SRGAP3: variants seen among roughly 807,000 people sequenced by gnomAD.
The protein encoded by SRGAP3 is SLIT-ROBO Rho GTPase activating protein 3, also known as SLIT-ROBO Rho GTPase-activating protein 3.
A neutral mutation model predicts 121.1 loss-of-function variants in SRGAP3; 39 were observed. The observed-to-expected ratio is 0.32, with a 90% CI of 0.25 to 0.42. SRGAP3 has a LOEUF of 0.42. SRGAP3 is among the 10% of genes least tolerant of loss of function. SRGAP3 has a pLI of 1.00. For missense variants in SRGAP3, 1,213 were observed against 1,470.6 expected (o/e 0.82, Z 2.86); for synonymous variants, 601 against 570.0 (o/e 1.05, Z -0.77).
chr3:9,256,240 G>C (rs1442295819), intron 3 of SRGAP3, among the ~76,000 whole-genome samples: 1 of 152,210 alleles, frequency 6.6e-6, no homozygotes, highest in Non-Finnish European at 1.5e-5. Context: ...ACATGTCTGC[G>C]TGTGTGTCCA....
chr3:9,119,953 C>G (rs1383713003), intron 2 of SRGAP3, among the ~76,000 whole-genome samples: 1 of 152,230 alleles, frequency 6.6e-6, no homozygotes, highest in African/African-American at 2.4e-5. Context: ...CAGCTGAGCC[C>G]TGTCCAAATC....
intron 5 of SRGAP3, among the ~76,000 whole-genome samples, chr3:9,061,010 T>C (rs993916280): frequency 1.3e-5 from 2 of 152,148 alleles, no homozygotes; most frequent in African/African-American, 4.8e-5. Context: ...GGCAGGCATA[T>C]CACCTGAGGT....
chr3:9,072,985 C>T (rs1475823934), intron 4 of SRGAP3, among the ~76,000 whole-genome samples: 2 of 152,244 alleles, frequency 1.3e-5, no homozygotes, highest in Non-Finnish European at 2.9e-5. Context: ...AGCTTCTCGC[C>T]TGCTGCTCTG....
chr3:9,227,701 G>A (rs975827441), intron 1 of SRGAP3, among the ~76,000 whole-genome samples: 1 of 152,180 alleles, frequency 6.6e-6, no homozygotes, highest in Non-Finnish European at 1.5e-5. Context: ...AATGCATTAC[G>A]GTGGCTACGA....
chr3:9,281,776 G>C (rs1356409849), intron 3 of SRGAP3, among the ~76,000 whole-genome samples: 1 of 152,014 alleles, frequency 6.6e-6, no homozygotes, highest in Non-Finnish European at 1.5e-5. Flanking sequence ...GGGTTCAAGC[G>C]ATTCTCATGC....
In SRGAP3 at chr3:9,073,546, T is replaced by C. The variant is rs149169692; in HGVS notation, c.486+6479A>G. Among the ~76,000 whole-genome samples the C allele has an allele frequency of 2.3e-3, 352 of 152,330 alleles. 2 individuals carry two copies. The highest frequency in any genetic ancestry group is 7.9e-3 in the African/African-American group (329 of 41,568). ...GGAGTCTGGAGCAGGTTCTGCTGTT[T>C]CCCCTCTGGGCAACCCTGAGCTGGC... On this transcript the variant is annotated intron_variant, in intron 4 of 21. Coordinates refer to ENST00000383836, the MANE Select transcript of SRGAP3 (RefSeq NM_014850.4).
intron 14 of SRGAP3, among the ~76,000 whole-genome samples, chr3:9,018,403 T>C (rs1445767810): frequency 6.6e-6 from 1 of 152,244 alleles, no homozygotes; most frequent in African/African-American, 2.4e-5. Flanking sequence ...ATGGTAGTTC[T>C]ATTTTTAGTT....
At chr3:9,131,188 G>A (rs534879841) in intron 1 of SRGAP3, among the ~76,000 whole-genome samples, 1 of 152,334 alleles carries the variant, frequency 6.6e-6, no homozygotes, top group South Asian at 2.1e-4. Flanking sequence ...AAATAAAACA[G>A]AATTGTTCCC....
intron 3 of SRGAP3, among the ~76,000 whole-genome samples, chr3:9,260,236 C>T (rs557835047): frequency 6.6e-6 from 1 of 152,138 alleles, no homozygotes; most frequent in African/African-American, 2.4e-5. Flanking sequence ...TTTGGGCAGA[C>T]ACTGAGCTAG....
chr3:8,994,368 G>A lies in SRGAP3; in HGVS notation c.2383C>T (p.His795Tyr). 6.2e-7 allele frequency: 1 copy of A among 1,614,164 alleles called. No homozygotes were observed. Among genetic ancestry groups the A allele is most frequent in the Non-Finnish European group, 8.5e-7 (1 of 1,180,040 alleles). Residue 795 changes from histidine (H) to tyrosine (Y), a missense_variant, in exon 19 of 22, where the codon CAT becomes TAT. This residue lies in a region of SRGAP3 where 793 missense variants were observed against 1,032.9 expected (regional missense o/e 0.77). Coordinates refer to ENST00000383836, the MANE Select transcript of SRGAP3 (RefSeq NM_014850.4). ...ATGTCCTGTACAACTATGTACTGATGGGGGATGAGTCCATCCACGCCGTTG... is the reference window on the plus strand; with the variant it reads ...ATGTCCTGTACAACTATGTACTGATAGGGGATGAGTCCATCCACGCCGTTG... ...RHNGVDGLIPHQYIVVQDMDD... is the reference protein window; with the variant it reads ...RHNGVDGLIPYQYIVVQDMDD...
intron 2 of SRGAP3, among the ~76,000 whole-genome samples, chr3:9,120,257 A>G (rs1330711356): frequency 3.9e-5 from 6 of 152,192 alleles, no homozygotes; most frequent in Non-Finnish European, 8.8e-5. Context: ...GGGCACACAG[A>G]GGGAGGCACC....
chr3:9,232,605 T>A (rs920540629), intron 1 of SRGAP3, among the ~76,000 whole-genome samples: 1 of 152,170 alleles, frequency 6.6e-6, no homozygotes, highest in Admixed American at 6.5e-5. Context: ...TACCTAATTA[T>A]TAAATGTTCT....
intron 2 of SRGAP3, among the ~76,000 whole-genome samples, chr3:9,114,457 G>A (rs1339939735): frequency 1.3e-5 from 2 of 152,146 alleles, no homozygotes; most frequent in Non-Finnish European, 2.9e-5. Flanking sequence ...TCCTTCTGCA[G>A]ACTGTTATGT....
chr3:9,083,521 T>A (rs1947331098), intron 3 of SRGAP3, among the ~76,000 whole-genome samples: 1 of 152,232 alleles, frequency 6.6e-6, no homozygotes, highest in Non-Finnish European at 1.5e-5. Flanking sequence ...TAACGATATC[T>A]CTGAGAAATT....
chr3:9,099,936 G>A (rs986195827), intron 3 of SRGAP3, among the ~76,000 whole-genome samples: 102 of 152,318 alleles, frequency 6.7e-4, no homozygotes, highest in African/African-American at 2.3e-3. Context: ...ACGCCAGCAG[G>A]GTCAGTGGAG....
intron 1 of SRGAP3, among the ~76,000 whole-genome samples, chr3:9,231,461 G>T (rs1003450794): frequency 6.6e-6 from 1 of 152,224 alleles, no homozygotes; most frequent in African/African-American, 2.4e-5. Context: ...TATAATTTCT[G>T]TTGTGGATTT....
chr3:9,147,719 G>A (rs1010995879), intron 1 of SRGAP3, among the ~76,000 whole-genome samples: 15 of 152,184 alleles, frequency 9.9e-5, no homozygotes, highest in African/African-American at 1.7e-4. Flanking sequence ...TTTGCTCTGC[G>A]GGAATTGGAT....
intron 1 of SRGAP3, chr3:9,219,159 C>G (rs1952723429): frequency 6.6e-6 from 1 of 152,118 alleles, no homozygotes; most frequent in Non-Finnish European, 1.5e-5. Flanking sequence ...AATGACGAAA[C>G]AGCTACCATG....
intron 3 of SRGAP3, among the ~76,000 whole-genome samples, chr3:9,288,291 C>T (rs1479605086): frequency 2.6e-5 from 4 of 151,862 alleles, no homozygotes; most frequent in South Asian, 2.1e-4. Flanking sequence ...GCACACACCA[C>T]CACACCTGGC....
Sources: gnomAD v4.1 joint callset for allele counts (sites outside exome capture counted in the v4.1 genomes callset) on GRCh38, gnomAD v4.1.1 for gene constraint, gnomAD v4.1.1 regional missense constraint, MANE v1.5 for transcripts, NCBI Gene and HGNC (gene_info 2026-07-23, HGNC 2026-07-21) for gene names.